Variants in ERC2 observed in about 807,000 individuals in gnomAD.
ERC2 encodes ERC protein 2.
ERC2 carries 42 observed loss-of-function variants against 114.8 expected under a neutral mutation model. That is an observed-to-expected ratio of 0.37 (90% confidence interval 0.29 to 0.47). The LOEUF (loss-of-function observed/expected upper bound fraction) is 0.47, where lower values mean the gene tolerates loss of function less well. Ranked by LOEUF, ERC2 falls within the 20% of genes least tolerant of loss-of-function variation. The probability of loss-of-function intolerance (pLI) is 0.99; values close to 1 mark genes in which losing one functional copy is unlikely to be tolerated. For missense variants in ERC2, 939 were observed against 1,150.7 expected, an observed-to-expected ratio of 0.82 and a Z score of 2.66; for synonymous variants, 454 against 425.5, an observed-to-expected ratio of 1.07 and a Z score of -0.82.
rs1339768606 is a variant in ERC2, at chr3:55,683,787, T to G, written c.*39+7A>C. On this transcript the variant is annotated splice_region_variant and intron_variant, in intron 17 of 17. Coordinates refer to ENST00000288221, the MANE Select transcript of ERC2 (RefSeq NM_015576.3). ...TAATAAAAATGATATAAAAGATGGTTTCTCACCCCTCAAAACAAAACTGGA... is the reference window on the plus strand; with the variant it reads ...TAATAAAAATGATATAAAAGATGGTGTCTCACCCCTCAAAACAAAACTGGA... 3 of 1,609,090 alleles carry G rather than the reference T, an allele frequency of 1.9e-6. No individual in the cohort carries two copies. The highest frequency in any genetic ancestry group is 2.5e-6 in the Non-Finnish European group (3 of 1,176,666).
intron 13 of ERC2, among the ~76,000 whole-genome samples, chr3:55,900,830 A>G (rs1219906915): frequency 6.6e-6 from 1 of 152,258 alleles, no homozygotes; most frequent in Non-Finnish European, 1.5e-5. Context: ...CATACTGTAG[A>G]AAGGTAATCA....
At chr3:56,042,411 G>A (rs912012715) in intron 7 of ERC2, among the ~76,000 whole-genome samples, 5 of 152,156 alleles carry the variant, frequency 3.3e-5, no homozygotes, top group African/African-American at 9.7e-5. Context: ...CTGGCACATA[G>A]GAGGTTCTCA....
intron 7 of ERC2, among the ~76,000 whole-genome samples, chr3:56,026,136 G>T (rs2074037820): frequency 7.0e-6 from 1 of 142,280 alleles, no homozygotes; most frequent in African/African-American, 2.6e-5. Context: ...CATGATCTCG[G>T]CCTCCCGGGT....
At chr3:55,972,381 A>T (rs913758352) in intron 12 of ERC2, among the ~76,000 whole-genome samples, 7 of 152,108 alleles carry the variant, frequency 4.6e-5, no homozygotes, top group Admixed American at 2.6e-4. Context: ...TCTAGTTTTT[A>T]AGCCCCACAT....
At chr3:56,332,727 T>G (rs931849214) in intron 2 of ERC2, among the ~76,000 whole-genome samples, 1 of 152,244 alleles carries the variant, frequency 6.6e-6, no homozygotes, top group Non-Finnish European at 1.5e-5. Context: ...ATTTCCAGTT[T>G]ACTGAAGGCT....
chr3:56,376,043 T>A (rs181906421), intron 2 of ERC2, among the ~76,000 whole-genome samples: 116 of 152,280 alleles, frequency 7.6e-4, no homozygotes, highest in Non-Finnish European at 1.4e-3. Context: ...TAGAAGCAGA[T>A]TCTTCCCCAG....
chr3:55,882,073 A>G (rs966000338), intron 14 of ERC2, among the ~76,000 whole-genome samples: 1 of 152,186 alleles, frequency 6.6e-6, no homozygotes, highest in Non-Finnish European at 1.5e-5. Context: ...GTGGGGCCTA[A>G]TGGGAAAACG....
rs145314771 is a variant in ERC2, at chr3:55,750,857, T to G, written c.2565-15939A>C. Among the ~76,000 whole-genome samples, 8 of 152,336 alleles carry G rather than the reference T, an allele frequency of 5.3e-5. No homozygotes were observed. The East Asian group carries it at 1.5e-3, about 29-fold the overall frequency. ...CACACATGAGGATGTAGGAACATTA[T>G]GTGTAAGTTGTTTTCTGGGGAACAG... On this transcript the variant is annotated intron_variant, in intron 14 of 17. Transcript: ENST00000288221.
chr3:56,197,088 G>T (rs1161529339), intron 3 of ERC2, among the ~76,000 whole-genome samples: 1 of 152,128 alleles, frequency 6.6e-6, no homozygotes, highest in East Asian at 1.9e-4. Flanking sequence ...TACTGGCTTT[G>T]CACATGCCTG....
At chr3:55,705,981 T>C (rs1285085842) in intron 15 of ERC2, among the ~76,000 whole-genome samples, 1 of 152,150 alleles carries the variant, frequency 6.6e-6, no homozygotes, top group African/African-American at 2.4e-5. Context: ...TGCTGCTGTC[T>C]TCCCACCAGG....
At chr3:55,806,625 C>T (rs1278643124) in intron 14 of ERC2, among the ~76,000 whole-genome samples, 2 of 152,120 alleles carry the variant, frequency 1.3e-5, no homozygotes, top group African/African-American at 2.4e-5. Context: ...GTGCTACTGG[C>T]ATCCAATGGG....
At chr3:56,117,197 C>T (rs1291253488) in intron 6 of ERC2, among the ~76,000 whole-genome samples, 3 of 152,286 alleles carry the variant, frequency 2.0e-5, no homozygotes, top group South Asian at 2.1e-4. Flanking sequence ...CAAATGCTCT[C>T]GCTGTGCTTG....
At chr3:55,555,061 C>A (rs917582127) in intron 17 of ERC2, among the ~76,000 whole-genome samples, 1 of 152,058 alleles carries the variant, frequency 6.6e-6, no homozygotes, top group Non-Finnish European at 1.5e-5. Context: ...AAGTCAGCAC[C>A]GAGAGCAGTG....
At chr3:55,587,533 T>C (rs571749595) in intron 17 of ERC2, among the ~76,000 whole-genome samples, 1 of 152,364 alleles carries the variant, frequency 6.6e-6, no homozygotes, top group South Asian at 2.1e-4. Flanking sequence ...ATAACCCTAA[T>C]GGCACATATC....
At chr3:55,554,199 C>T (rs920198675) in intron 17 of ERC2, among the ~76,000 whole-genome samples, 1 of 152,150 alleles carries the variant, frequency 6.6e-6, no homozygotes, top group Non-Finnish European at 1.5e-5. Flanking sequence ...TGAAGGCAAG[C>T]GCTTTCCCTT....
At chr3:56,434,280 A>G in intron 2 of ERC2, 71 bp downstream of exon 2, 1 of 1,434,928 alleles carries the variant, frequency 7.0e-7, no homozygotes, top group Non-Finnish European at 9.6e-7. Flanking sequence ...AGGTCGTGGT[A>G]CCATCTGCAA....
At chr3:56,341,149 G>A (rs2058075706) in intron 2 of ERC2, among the ~76,000 whole-genome samples, 1 of 152,178 alleles carries the variant, frequency 6.6e-6, no homozygotes, top group African/African-American at 2.4e-5. Context: ...AATACTTAAT[G>A]TGACAGGTCA....
chr3:56,017,285 G>A (rs1404431961), intron 8 of ERC2, among the ~76,000 whole-genome samples: 1 of 152,108 alleles, frequency 6.6e-6, no homozygotes, highest in Non-Finnish European at 1.5e-5. Context: ...TACAATAGGT[G>A]CCCAGAGAAT....
At chr3:56,157,187 T>C (rs1009713458) in intron 4 of ERC2, among the ~76,000 whole-genome samples, 2 of 152,226 alleles carry the variant, frequency 1.3e-5, no homozygotes, top group Non-Finnish European at 2.9e-5. Context: ...GGGACCTTGC[T>C]GTCCACAGGC....
Sources: allele counts gnomAD v4.1 joint callset (sites outside exome capture counted in the v4.1 genomes callset), GRCh38; gene constraint gnomAD v4.1.1; transcripts MANE v1.5; gene names NCBI Gene and HGNC (gene_info 2026-07-23, HGNC 2026-07-21).